The following TSC22D1 variants were observed in gnomAD, a reference collection of about 807,000 sequenced individuals.
TSC22D1 encodes TSC22 domain family member 1.
A neutral mutation model predicts 74.2 loss-of-function variants in TSC22D1; 9 were observed. The observed-to-expected ratio is 0.12, with a 90% CI of 0.07 to 0.21. The LOEUF is 0.21. TSC22D1 is among the 10% of genes least tolerant of loss of function. TSC22D1 has a pLI of 1.00. For synonymous variants in TSC22D1, 586 were observed against 492.5 expected, an observed-to-expected ratio of 1.19 and a Z score of -2.51; for missense variants, 1,427 against 1,304.7, an observed-to-expected ratio of 1.09 and a Z score of -1.44.
At chr13:44,470,313 A>G (rs2137905108) in intron 1 of TSC22D1, among the ~76,000 whole-genome samples, 1 of 152,294 alleles carries the variant, frequency 6.6e-6, no homozygotes, top group African/African-American at 2.4e-5. Flanking sequence ...AGTCCAAAGG[A>G]TGAAGATTTT....
chr13:44,482,037 T>TA (rs1174917309), intron 1 of TSC22D1, among the ~76,000 whole-genome samples: 2 of 152,178 alleles, frequency 1.3e-5, no homozygotes, highest in East Asian at 3.8e-4. Context: ...TTTTCAAATA[T>TA]AAAGGGTGCT....
At chr13:44,517,345 C>CACACAG (rs1458346057) in intron 1 of TSC22D1, among the ~76,000 whole-genome samples, 2 of 151,728 alleles carry the variant, frequency 1.3e-5, no homozygotes, top group African/African-American at 4.8e-5. Flanking sequence ...CACACACACA[C>CACACAG]ACACACACAC....
rs71070905 is a variant in TSC22D1 at position 44,444,278 on chromosome 13, CAAAAAAAAAA to C, written c.2913-8193_2913-8184del. Among the ~76,000 whole-genome samples, 21 of 17,578 alleles carry C rather than the reference CAAAAAAAAAA, an allele frequency of 1.2e-3. No individual in the cohort carries two copies. The East Asian group carries it at 0.03, about 25-fold the overall frequency. The allele number at this position is 17,578 out of a possible 152,430, so 11.5% of individuals were successfully genotyped here. A position where few individuals can be genotyped will look rare whatever the true frequency, so the allele number is the denominator to read the frequency against. On this transcript the variant is annotated intron_variant, in intron 1 of 2. Coordinates refer to ENST00000458659, the MANE Select transcript of TSC22D1 (RefSeq NM_183422.4). The stretch of plus-strand genomic sequence containing the variant: ...TGGGGAACAGAGCAAGACTCTGTCT[CAAAAAAAAAA>C]AAAAAAAAAAAAAAAAAAAAGAAAA...
chr13:44,520,879 G>C (rs1164254084), intron 1 of TSC22D1, among the ~76,000 whole-genome samples: 1 of 152,192 alleles, frequency 6.6e-6, no homozygotes, highest in Non-Finnish European at 1.5e-5. Flanking sequence ...TGTAGTAACA[G>C]AGACTACTTT....
At chr13:44,509,951 A>AAAAAAAAAAAAAAAAAAAAC (rs1879626415) in intron 1 of TSC22D1, among the ~76,000 whole-genome samples, 1 of 37,746 alleles carries the variant, frequency 2.6e-5, no homozygotes, top group Non-Finnish European at 4.8e-5. Flanking sequence ...GAAAATAAGC[A>AAAAAAAAAAAAAAAAAAAAC]AAAAAAAAAA....
intron 1 of TSC22D1, among the ~76,000 whole-genome samples, chr13:44,530,800 C>A (rs1880795027): frequency 6.6e-6 from 1 of 152,084 alleles, no homozygotes; most frequent in Non-Finnish European, 1.5e-5. Flanking sequence ...CAATGAGATA[C>A]CACTACACAC....
rs112639288 is a variant in TSC22D1, at chr13:44,536,553, A to G, written c.2912+36610T>C. ...TTGCGCAAGTAGAACACTAAAATAC[A>G]AAACATTTTTCATTTCAACAGTTCT... On this transcript the variant is annotated intron_variant, in intron 1 of 2. Coordinates refer to ENST00000458659, the MANE Select transcript of TSC22D1 (RefSeq NM_183422.4). 7.7e-3 allele frequency among the ~76,000 whole-genome samples: 1,168 copies of G among 152,056 alleles called. 30 individuals are homozygous for G. Among genetic ancestry groups the G allele is most frequent in the Admixed American group, 0.055 (836 of 15,274 alleles).
intron 1 of TSC22D1, among the ~76,000 whole-genome samples, chr13:44,554,831 T>C (rs1001307346): frequency 6.6e-6 from 1 of 152,046 alleles, no homozygotes; most frequent in Admixed American, 6.6e-5. Flanking sequence ...ATCCCCTCCT[T>C]CTCTTCCACT....
Position 44,575,730 on chromosome 13 carries a change from G to C in TSC22D1, c.345C>G (p.Ser115Arg). Reference sequence around the variant, plus strand: ...TAGCGGAGATCTGAGCAGGAGTAACGCTAGTTATCTGGAAGCCACTTTTCT... The same window carrying C: ...TAGCGGAGATCTGAGCAGGAGTAACCCTAGTTATCTGGAAGCCACTTTTCT... ...MKKKSGFQIT[S>R]VTPAQISASI... Residue 115 changes from serine (S) to arginine (R), a missense_variant, in exon 1 of 3, where the codon AGC becomes AGG. By Grantham distance (110) the Ser-to-Arg change is moderately radical. Transcript: ENST00000458659. The C allele has an allele frequency of 6.2e-7, 1 of 1,614,192 alleles. No homozygotes were observed. The highest frequency in any genetic ancestry group is 8.5e-7 in the Non-Finnish European group (1 of 1,180,038).
chr13:44,575,374 T>A lies in TSC22D1; in HGVS notation c.701A>T (p.His234Leu). 6.2e-7 allele frequency: 1 copy of A among 1,613,990 alleles called. No homozygotes were observed. The change falls in exon 1 of 3, where the codon CAT becomes CTT. Residue 234 changes from histidine (H) to leucine (L), a missense_variant. Coordinates refer to ENST00000458659, the MANE Select transcript of TSC22D1 (RefSeq NM_183422.4). Reference protein sequence around the residue: ...HQIHHGHHLQHGHHHPSHVAV... With the variant: ...HQIHHGHHLQLGHHHPSHVAV... ...AACATGAGATGGATGGTGGTGACCA[T>A]GTTGGAGGTGGTGCCCATGATGAAT...
chr13:44,434,859 A>G lies in TSC22D1; in HGVS notation c.2989T>C (p.Tyr997His). The change falls in exon 3 of 3, where the codon TAT becomes CAT. Residue 997 changes from tyrosine to histidine, a missense_variant. This residue lies in a region of TSC22D1 where 21 missense variants were observed against 62.7 expected (regional missense o/e 0.34). Coordinates refer to ENST00000458659, the MANE Select transcript of TSC22D1 (RefSeq NM_183422.4). ...ACCTCCACTTCTTCTCTGACCGCAT[A>G]CATCAAATGGCTTTTCACTAGATCC... ...AMDLVKSHLM[Y>H]AVREEVEVLK... The G allele has an allele frequency of 1.2e-6, 2 of 1,613,690 alleles. No individual in the cohort carries two copies. Among genetic ancestry groups the G allele is most frequent in the South Asian group, 2.2e-5 (2 of 91,048 alleles).
At chr13:44,520,217 G>C (rs557225500) in intron 1 of TSC22D1, among the ~76,000 whole-genome samples, 1 of 152,114 alleles carries the variant, frequency 6.6e-6, no homozygotes, top group Non-Finnish European at 1.5e-5. Flanking sequence ...ATAAAGTCCA[G>C]GTAGAGTGAG....
intron 1 of TSC22D1, among the ~76,000 whole-genome samples, chr13:44,455,460 C>T (rs1009460302): frequency 2.6e-5 from 4 of 152,290 alleles, no homozygotes; most frequent in South Asian, 2.1e-4. Context: ...TTATGGTACA[C>T]GGTGCATTTA....
At chr13:44,456,242 G>A (rs879603299) in intron 1 of TSC22D1, among the ~76,000 whole-genome samples, 4 of 152,210 alleles carry the variant, frequency 2.6e-5, no homozygotes, top group Admixed American at 1.3e-4. Context: ...CGGCGGAGAA[G>A]AAGACCCGAG....
At position 44,574,326 on chromosome 13, in the gene TSC22D1, A is replaced by T. The variant is rs1469157736; in HGVS notation, c.1749T>A (p.Asn583Lys). Residue 583 changes from asparagine (N) to lysine (K), a missense_variant, in exon 1 of 3, where the codon AAT becomes AAA. Around this residue, in one of 3 missense-constraint regions of TSC22D1, gnomAD observed 1,343 missense variants for 1,191.5 expected, o/e 1.13. Coordinates refer to ENST00000458659, the MANE Select transcript of TSC22D1 (RefSeq NM_183422.4). ...CTAAAGCTGAAGTTACACCAACCACATTTACAGGCGATGGCTGGATACCAG... is the reference window on the plus strand; with the variant it reads ...CTAAAGCTGAAGTTACACCAACCACTTTTACAGGCGATGGCTGGATACCAG... The part of the protein sequence containing the change: ...AATGIQPSPV[N>K]VVGVTSALGQ... 1 of 1,614,264 alleles carries T rather than the reference A, an allele frequency of 6.2e-7. No individual in the cohort carries two copies. Among genetic ancestry groups the T allele is most frequent in the South Asian group, 1.1e-5 (1 of 91,092 alleles).
intron 1 of TSC22D1, among the ~76,000 whole-genome samples, chr13:44,566,238 C>T (rs1164673327): frequency 2.0e-5 from 3 of 152,128 alleles, no homozygotes; most frequent in Non-Finnish European, 2.9e-5. Context: ...AAAAACGGCA[C>T]TAGATTTCGA....
At chr13:44,533,034 A>T (rs1162033938) in intron 1 of TSC22D1, among the ~76,000 whole-genome samples, 1 of 152,134 alleles carries the variant, frequency 6.6e-6, no homozygotes, top group Non-Finnish European at 1.5e-5. Context: ...AGAGTGTGGT[A>T]TTAGAAACGT....
chr13:44,436,795 C>CCTG, intron 1 of TSC22D1: 1 of 1,429,572 alleles, frequency 7.0e-7, no homozygotes, highest in Non-Finnish European at 9.1e-7. Context: ...CAGGCAGATG[C>CCTG]GGATCCCAGT....
intron 1 of TSC22D1, among the ~76,000 whole-genome samples, chr13:44,521,832 T>C (rs911432772): frequency 3.3e-5 from 5 of 152,214 alleles, no homozygotes; most frequent in Non-Finnish European, 7.3e-5. Flanking sequence ...AGCACTAAAA[T>C]GGCACTATAA....
Sources: gnomAD v4.1 joint callset for allele counts (sites outside exome capture counted in the v4.1 genomes callset) on GRCh38, gnomAD v4.1.1 for gene constraint, gnomAD v4.1.1 regional missense constraint, MANE v1.5 for transcripts, NCBI Gene and HGNC (gene_info 2026-07-23, HGNC 2026-07-21) for gene names.